The following PCDHA2 variants were observed in gnomAD, a reference collection of about 807,000 sequenced individuals.
PCDHA2 encodes the protein protocadherin alpha 2, also known as protocadherin alpha-2.
Under a neutral mutation model 66.0 loss-of-function variants are expected in PCDHA2, and 58 were observed. That is an observed-to-expected ratio of 0.88 (90% CI 0.71 to 1.09). The LOEUF (loss-of-function observed/expected upper bound fraction) is 1.09. Among genes scored for constraint, PCDHA2 ranks in the 50% least tolerant of loss-of-function variants. PCDHA2 has a pLI of 0.00. For synonymous variants in PCDHA2, 634 were observed against 554.0 expected, an observed-to-expected ratio of 1.14 and a Z score of -2.03; for missense variants, 1,267 against 1,242.3, an observed-to-expected ratio of 1.02 and a Z score of -0.30.
chr5:140,883,640 C>T (rs143631680), intron 1 of PCDHA2: 5 of 1,613,958 alleles, frequency 3.1e-6, no homozygotes, highest in Non-Finnish European at 4.2e-6. Context: ...GTTCGCGCAG[C>T]CCGAGTACAC....
In PCDHA2 at chr5:140,801,978, G is replaced by T. The variant is rs1199727898; in HGVS notation, c.2388+4626G>T. On this transcript the variant is annotated intron_variant, in intron 1 of 3. Coordinates refer to ENST00000526136, the MANE Select transcript of PCDHA2 (RefSeq NM_018905.3). ...CGAAAATGCACCAAATGGTACCCTA[G>T]TGGTGACCGTTAACGCCACCGATTT... 1.2e-6 allele frequency: 2 copies of T among 1,614,070 alleles called. No homozygotes were observed. Among genetic ancestry groups the T allele is most frequent in the Non-Finnish European group, 1.7e-6 (2 of 1,180,048 alleles).
chr5:140,936,834 T>TA (rs1554211213), intron 1 of PCDHA2, among the ~76,000 whole-genome samples: 1 of 152,210 alleles, frequency 6.6e-6, no homozygotes, highest in African/African-American at 2.4e-5. Context: ...CATTTCTATA[T>TA]AAATTGTAGA....
intron 1 of PCDHA2, chr5:140,871,109 T>C: frequency 1.9e-6 from 3 of 1,613,236 alleles, no homozygotes; most frequent in Non-Finnish European, 2.5e-6. Context: ...GTGTCGTTGG[T>C]GGAGAGCGGA....
chr5:140,808,870 C>A, intron 1 of PCDHA2: 1 of 1,613,180 alleles, frequency 6.2e-7, no homozygotes, highest in Non-Finnish European at 8.5e-7. Flanking sequence ...AAAACGACAA[C>A]GCGCCAGCAC....
At position 140,944,954 on chromosome 5, in the gene PCDHA2, G is replaced by T. The variant is rs59917150; in HGVS notation, c.2389-33995G>T. Among the ~76,000 whole-genome samples the T allele has an allele frequency of 8.9e-3, 1,356 of 152,182 alleles. 15 individuals are homozygous for T. Among genetic ancestry groups the T allele is most frequent in the African/African-American group, 0.032 (1,311 of 41,514 alleles). ...CTTCTTTAGATGATTGTGAATAAGA[G>T]TATTATCTTAACCTCTCTGGTGGGT... On this transcript the variant is annotated intron_variant, in intron 1 of 3. Coordinates refer to ENST00000526136, the MANE Select transcript of PCDHA2 (RefSeq NM_018905.3).
At chr5:140,883,379 C>G in intron 1 of PCDHA2, 1 of 1,614,182 alleles carries the variant, frequency 6.2e-7, no homozygotes, top group Non-Finnish European at 8.5e-7. Flanking sequence ...CATTATTGCC[C>G]TAATCAGTGT....
intron 1 of PCDHA2, chr5:140,801,810 A>C (rs781955396): frequency 1.2e-6 from 2 of 1,613,894 alleles, no homozygotes; most frequent in African/African-American, 2.7e-5. Flanking sequence ...TCGAGAGGAC[A>C]CTCCTAAGCA....
chr5:140,844,162 T>C (rs1328391429), intron 1 of PCDHA2, among the ~76,000 whole-genome samples: 8 of 149,794 alleles, frequency 5.3e-5, no homozygotes, highest in Non-Finnish European at 1.0e-4. Context: ...TTTTATTCAC[T>C]TTAAGATCTC....
chr5:140,844,721 G>A (rs2150373473), intron 1 of PCDHA2, among the ~76,000 whole-genome samples: 7 of 149,390 alleles, frequency 4.7e-5, no homozygotes, highest in African/African-American at 1.5e-4. Flanking sequence ...CCATTAGTTC[G>A]TGTAAAAATA....
At chr5:140,843,828 T>G (rs1779111398) in intron 1 of PCDHA2, 1 of 1,176,020 alleles carries the variant, frequency 8.5e-7, no homozygotes, top group South Asian at 1.5e-5. Context: ...ATTTAAACAT[T>G]GTTTAGTTTT....
rs202138167 is a variant in PCDHA2, at chr5:140,796,571, G to C, written c.1607G>C (p.Ser536Thr). 6.2e-7 allele frequency: 1 copy of C among 1,613,094 alleles called. No homozygotes were observed. The highest frequency in any genetic ancestry group is 1.3e-5 in the African/African-American group (1 of 74,964). ...GTGGAGCTGCTGCAGTTCCAGGTGA[G>C]CGCGCGGGATGCGGGCGTGCCGCCT... ...EEVELLQFQV[S>T]ARDAGVPPLG... Residue 536 changes from serine (S) to threonine (T), a missense_variant, in exon 1 of 4, where the codon AGC becomes ACC. Physicochemically the swap from Ser to Thr is moderately conservative, Grantham distance 58. Transcript: ENST00000526136.
At chr5:140,858,605 T>C (rs553423419) in intron 1 of PCDHA2, 1 of 1,265,752 alleles carries the variant, frequency 7.9e-7, no homozygotes, top group South Asian at 1.5e-5. Flanking sequence ...AGTTTTAAAA[T>C]TTTTTTATCC....
At chr5:140,805,438 T>C (rs1763568868) in intron 1 of PCDHA2, 1 of 1,029,722 alleles carries the variant, frequency 9.7e-7, no homozygotes, top group Non-Finnish European at 1.2e-6. Context: ...TTTTGGTTTT[T>C]GTGTGTGTGT....
chr5:140,802,494 C>G (rs142880719), intron 1 of PCDHA2: 1 of 1,614,164 alleles, frequency 6.2e-7, no homozygotes, highest in Admixed American at 1.7e-5. Flanking sequence ...CGGGGGCTCG[C>G]CTTCACTGTG....
At chr5:140,928,121 A>C in intron 1 of PCDHA2, 1 of 1,614,194 alleles carries the variant, frequency 6.2e-7, no homozygotes, top group Non-Finnish European at 8.5e-7. Flanking sequence ...CAGATCAGTG[A>C]ATACCAAGTC....
chr5:140,800,374 C>G (rs1762546569), intron 1 of PCDHA2, among the ~76,000 whole-genome samples: 1 of 152,086 alleles, frequency 6.6e-6, no homozygotes, highest in Non-Finnish European at 1.5e-5. Context: ...GAGGGAATTA[C>G]AGACATTCTA....
chr5:140,928,659 C>T (rs782522131), intron 1 of PCDHA2: 2 of 1,614,080 alleles, frequency 1.2e-6, no homozygotes, highest in African/African-American at 2.7e-5. Context: ...AGGATGCTGA[C>T]AGTGGTTCTA....
chr5:140,999,628 G>C (rs1169273057), intron 3 of PCDHA2, among the ~76,000 whole-genome samples: 2 of 152,182 alleles, frequency 1.3e-5, no homozygotes, highest in Admixed American at 1.3e-4. Context: ...AGGAAACAAG[G>C]TAGAGAAAAC....
chr5:140,831,211 A>G lies in PCDHA2; in HGVS notation c.2388+33859A>G, dbSNP rs2150192455. 5.9e-5 allele frequency: 9 copies of G among 152,346 alleles called. No individual in the cohort carries two copies. In the South Asian group the frequency reaches 1.9e-3, roughly 32 times the overall value. The allele number at this position is 152,346 out of a possible 1,614,324, so 9.4% of individuals were successfully genotyped here. ...TTAGACCTTGTGATCAAGTAAATTT[A>G]TATGAAAACTGCATTCCTCTGGCAT... On this transcript the variant is annotated intron_variant, in intron 1 of 3. Transcript: ENST00000526136.
Sources: allele counts gnomAD v4.1 joint callset (sites outside exome capture counted in the v4.1 genomes callset), GRCh38; gene constraint gnomAD v4.1.1; transcripts MANE v1.5; gene names NCBI Gene and HGNC (gene_info 2026-07-23, HGNC 2026-07-21).